Variants in TTC7B observed in about 807,000 individuals in gnomAD.
TTC7B encodes the protein tetratricopeptide repeat domain 7B, also known as tetratricopeptide repeat protein 7B.
A neutral mutation model predicts 106.8 loss-of-function variants in TTC7B; 28 were observed. The ratio of observed to expected loss-of-function variants is 0.26; its 90% CI spans 0.19 to 0.36. The LOEUF is 0.36. Ranked by LOEUF, TTC7B falls within the 10% of genes least tolerant of loss-of-function variation. TTC7B has a pLI of 1.00. For synonymous variants in TTC7B, 405 were observed against 430.6 expected (o/e 0.94, Z 0.74); for missense variants, 862 against 1,076.4 (o/e 0.80, Z 2.79).
At chr14:90,751,577 T>A (rs980781750) in intron 3 of TTC7B, among the ~76,000 whole-genome samples, 21 of 151,420 alleles carry the variant, frequency 1.4e-4, no homozygotes, top group South Asian at 1.3e-3. Flanking sequence ...TTTTTATTTA[T>A]TTTTTTATTT....
chr14:90,686,633 C>T (rs776606801), intron 7 of TTC7B, among the ~76,000 whole-genome samples: 9 of 152,200 alleles, frequency 5.9e-5, no homozygotes, highest in Non-Finnish European at 1.0e-4. Context: ...AGCAAGGTTA[C>T]AGTACACAAG....
At chr14:90,581,508 G>A (rs143622539) in intron 18 of TTC7B, among the ~76,000 whole-genome samples, 2 of 152,270 alleles carry the variant, frequency 1.3e-5, no homozygotes, top group East Asian at 1.9e-4. Flanking sequence ...TTTGGTTCTC[G>A]AGTGCAGTGG....
chr14:90,780,986 G>A, intron 2 of TTC7B, 80 bp from the exon 3 acceptor site: 8 of 1,311,942 alleles, frequency 6.1e-6, no homozygotes, highest in Non-Finnish European at 7.6e-6. Flanking sequence ...GCCAGCTGCT[G>A]CCGTAAAACC....
At chr14:90,771,785 C>T (rs1036457497) in intron 3 of TTC7B, among the ~76,000 whole-genome samples, 8 of 150,752 alleles carry the variant, frequency 5.3e-5, no homozygotes, top group African/African-American at 9.7e-5. Context: ...ACATATAATG[C>T]GTGTGTGTGC....
At chr14:90,767,028 CAAAAA>C (rs71301958) in intron 3 of TTC7B, 128 of 525,516 alleles carry the variant, frequency 2.4e-4, no homozygotes, top group South Asian at 3.1e-4. Flanking sequence ...GTTTATATAC[CAAAAA>C]AAAAAAAAAA....
At chr14:90,776,177 G>T (rs566137513) in intron 3 of TTC7B, among the ~76,000 whole-genome samples, 6 of 84,936 alleles carry the variant, frequency 7.1e-5, no homozygotes, top group African/African-American at 3.7e-4. Flanking sequence ...ACACACACAC[G>T]CCAGGAATGT....
At chr14:90,565,918 G>A (rs1297057781) in intron 19 of TTC7B, among the ~76,000 whole-genome samples, 1 of 152,152 alleles carries the variant, frequency 6.6e-6, no homozygotes, top group African/African-American at 2.4e-5. Flanking sequence ...TATGGGTGTG[G>A]TTCATGGTGC....
rs35504744 is a variant in TTC7B at position 90,728,337 on chromosome 14, C to CAAA, written c.698+1735_698+1737dup. Among the ~76,000 whole-genome samples the CAAA allele has an allele frequency of 5.7e-4, 23 of 40,032 alleles. 3 individuals carry two copies. Among genetic ancestry groups the CAAA allele is most frequent in the Admixed American group, 1.7e-3 (4 of 2,298 alleles). 26.3% of individuals were successfully genotyped at this position (40,032 alleles called of 152,430 possible). A position where few individuals can be genotyped will look rare whatever the true frequency, so the allele number is the denominator to read the frequency against. ...ACATAGCAAGACCTCGTCCCCCCCG[C>CAAA]AAAAAAAAAAAAAAAAAAAAAAAAA... On this transcript the variant is annotated intron_variant, in intron 5 of 19. Coordinates refer to ENST00000328459, the MANE Select transcript of TTC7B (RefSeq NM_001010854.2).
chr14:90,554,887 G>C (rs1890237419), intron 19 of TTC7B, among the ~76,000 whole-genome samples: 1 of 152,192 alleles, frequency 6.6e-6, no homozygotes, highest in Non-Finnish European at 1.5e-5. Flanking sequence ...CCTGTGAACA[G>C]AGGTCTCATT....
At chr14:90,803,004 G>A (rs910541161) in intron 1 of TTC7B, among the ~76,000 whole-genome samples, 4 of 151,610 alleles carry the variant, frequency 2.6e-5, no homozygotes, top group African/African-American at 7.3e-5. Context: ...TTAGCTGGAT[G>A]TGGTGGCACA....
At position 90,589,483 on chromosome 14, in the gene TTC7B, T is replaced by C. The variant is rs139928276; in HGVS notation, c.2107+4003A>G. Among the ~76,000 whole-genome samples the C allele has an allele frequency of 4.5e-3, 691 of 152,370 alleles. 4 individuals are homozygous for C. The highest frequency in any genetic ancestry group is 0.015 in the African/African-American group (626 of 41,582). On this transcript the variant is annotated intron_variant, in intron 18 of 19. Coordinates refer to ENST00000328459, the MANE Select transcript of TTC7B (RefSeq NM_001010854.2). Reference sequence around the variant, plus strand: ...ATGTAAATGCTATTTAAATAGTTCTTATACTGTATTGTTTAGGGAATAATG... The same window carrying C: ...ATGTAAATGCTATTTAAATAGTTCTCATACTGTATTGTTTAGGGAATAATG...
intron 1 of TTC7B, among the ~76,000 whole-genome samples, chr14:90,792,152 G>T (rs1339182843): frequency 6.6e-6 from 1 of 152,122 alleles, no homozygotes. Context: ...TTTCATAGTT[G>T]CAGAGAGGTG....
rs777213166 is a variant in TTC7B, at chr14:90,541,089, T to G, written c.*279A>C. 10 of 394,984 alleles carry G rather than the reference T, an allele frequency of 2.5e-5. No individual in the cohort carries two copies. Among genetic ancestry groups the G allele is most frequent in the Non-Finnish European group, 4.0e-5 (9 of 222,708 alleles). The allele number at this position is 394,984 out of a possible 1,614,324, so 24.5% of individuals were successfully genotyped here. The stretch of plus-strand genomic sequence containing the variant: ...CTGATTAATTCCATAATCATTTTAC[T>G]GAAAACTCAGATGTCAACTAACAAA... On this transcript the variant is annotated 3_prime_UTR_variant, in exon 20 of 20. Transcript: ENST00000328459.
intron 4 of TTC7B, among the ~76,000 whole-genome samples, chr14:90,737,240 C>A (rs1264025975): frequency 6.6e-6 from 1 of 152,124 alleles, no homozygotes; most frequent in African/African-American, 2.4e-5. Flanking sequence ...CATAAAGTTA[C>A]CACATGACCC....
intron 1 of TTC7B, among the ~76,000 whole-genome samples, chr14:90,793,079 T>C (rs140255944): frequency 6.6e-6 from 1 of 152,256 alleles, no homozygotes; most frequent in East Asian, 1.9e-4. Flanking sequence ...TCACGAGACC[T>C]GATGGTTTTA....
intron 3 of TTC7B, among the ~76,000 whole-genome samples, chr14:90,764,327 C>T (rs1235900951): frequency 6.6e-6 from 1 of 151,948 alleles, no homozygotes; most frequent in Non-Finnish European, 1.5e-5. Context: ...GGATCAGACA[C>T]CTAAATTTAA....
At chr14:90,673,209 T>G (rs1345445278) in intron 9 of TTC7B, among the ~76,000 whole-genome samples, 2 of 152,212 alleles carry the variant, frequency 1.3e-5, no homozygotes, top group Non-Finnish European at 2.9e-5. Context: ...AAAACTTACA[T>G]AATGCACAAT....
In TTC7B at chr14:90,541,466, C is replaced by A. The variant is rs1889584460; in HGVS notation, c.2434G>T (p.Gly812Cys). The A allele has an allele frequency of 6.2e-7, 1 of 1,613,954 alleles. No individual in the cohort carries two copies. Among genetic ancestry groups the A allele is most frequent in the Non-Finnish European group, 8.5e-7 (1 of 1,180,010 alleles). Residue 812 changes from glycine to cysteine, a missense_variant, in exon 20 of 20, where the codon GGC becomes TGC. Gly to Cys is a radical substitution (Grantham distance 159, BLOSUM62 -3). Transcript: ENST00000328459. ...NGLGEVLQAQ[G>C]NDAAATECFL... Reference sequence around the variant, plus strand: ...CACTCCGTAGCCGCCGCATCGTTGCCCTGAGCTTGGAGGACCTCGCCCAGC... The same window carrying A: ...CACTCCGTAGCCGCCGCATCGTTGCACTGAGCTTGGAGGACCTCGCCCAGC...
chr14:90,712,783 A>G (rs769405531), intron 5 of TTC7B, among the ~76,000 whole-genome samples: 1 of 151,592 alleles, frequency 6.6e-6, no homozygotes, highest in Non-Finnish European at 1.5e-5. Context: ...TCTAAATTTT[A>G]TGGGGGAATG....
Sources: gnomAD v4.1 joint callset for allele counts (sites outside exome capture counted in the v4.1 genomes callset) on GRCh38, gnomAD v4.1.1 for gene constraint, MANE v1.5 for transcripts, NCBI Gene and HGNC (gene_info 2026-07-23, HGNC 2026-07-21) for gene names.